The following ACOX2 variants were observed in gnomAD, a reference collection of about 807,000 sequenced individuals.
ACOX2 encodes peroxisomal acyl-coenzyme A oxidase 2.
ACOX2 carries 59 observed loss-of-function variants against 77.5 expected under a neutral mutation model. The ratio of observed to expected loss-of-function variants is 0.76; its 90% CI spans 0.62 to 0.95. The LOEUF is 0.95. Ranked by LOEUF, ACOX2 falls within the 40% of genes least tolerant of loss-of-function variation. The probability of loss-of-function intolerance (pLI) is 0.00; values close to 1 mark genes in which losing one functional copy is unlikely to be tolerated. For synonymous variants in ACOX2, 317 were observed against 340.1 expected, an observed-to-expected ratio of 0.93 and a Z score of 0.75; for missense variants, 837 against 880.4, an observed-to-expected ratio of 0.95 and a Z score of 0.62.
At chr3:58,509,402 C>T (rs1380668109) in intron 13 of ACOX2, among the ~76,000 whole-genome samples, 1 of 151,544 alleles carries the variant, frequency 6.6e-6, no homozygotes, top group Admixed American at 6.6e-5. Flanking sequence ...TGGCACATGC[C>T]TGTAGTCCCA....
Position 58,533,427 on chromosome 3 carries a change from G to T in ACOX2, c.583+18C>A, listed in dbSNP as rs2063455429. The T allele has an allele frequency of 3.1e-6, 5 of 1,605,306 alleles. No individual in the cohort carries two copies. Among genetic ancestry groups the T allele is most frequent in the South Asian group, 1.1e-5 (1 of 90,838 alleles). On this transcript the variant is annotated intron_variant, in intron 5 of 14. Transcript: ENST00000302819. This position sits in a 1 kb window ranked among gnomAD's most constrained non-coding sequence, Gnocchi z 5.6. ...CTACTTGGGGAGAGTTAAGGAAGGGGGGTGGATGTATACTCACAGTCTCCA... is the reference window on the plus strand; with the variant it reads ...CTACTTGGGGAGAGTTAAGGAAGGGTGGTGGATGTATACTCACAGTCTCCA...
chr3:58,524,968 A>T lies in ACOX2; in HGVS notation c.1347-363T>A, dbSNP rs2063384451. On this transcript the variant is annotated intron_variant, in intron 10 of 14. Coordinates refer to ENST00000302819, the MANE Select transcript of ACOX2 (RefSeq NM_003500.4). This position sits in a 1 kb window ranked among gnomAD's most constrained non-coding sequence, Gnocchi z 5.5. Reference sequence around the variant, plus strand: ...TTAAATTTTCTTAGCTGAAAAAAGAAGGATAGAGGCAAGAATGCTAACAGG... The same window carrying T: ...TTAAATTTTCTTAGCTGAAAAAAGATGGATAGAGGCAAGAATGCTAACAGG... Among the ~76,000 whole-genome samples the T allele has an allele frequency of 6.6e-6, 1 of 152,236 alleles. No individual in the cohort carries two copies. The highest frequency in any genetic ancestry group is 1.5e-5 in the Non-Finnish European group (1 of 68,036).
Position 58,508,891 on chromosome 3 carries a change from A to G in ACOX2, c.1983+2T>C. ...AATTTATAATGTGTTCCACTCAACTACCTGAGTATTGGTTGGTGACTTCTG... is the reference window on the plus strand; with the variant it reads ...AATTTATAATGTGTTCCACTCAACTGCCTGAGTATTGGTTGGTGACTTCTG... On this transcript the variant is annotated splice_donor_variant, in intron 14 of 14. Transcript: ENST00000302819. LOFTEE classifies it high-confidence loss of function. The G allele has an allele frequency of 6.2e-7, 1 of 1,614,088 alleles. No homozygotes were observed. Among genetic ancestry groups the G allele is most frequent in the South Asian group, 1.1e-5 (1 of 91,074 alleles).
rs952834753 is a variant in ACOX2 at position 58,517,913 on chromosome 3, A to G, written c.1633-490T>C. Among the ~76,000 whole-genome samples, 4 of 151,968 alleles carry G rather than the reference A, an allele frequency of 2.6e-5. 1 individual carries two copies. The highest frequency in any genetic ancestry group is 4.1e-4 in the South Asian group (2 of 4,824). On this transcript the variant is annotated intron_variant, in intron 12 of 14. Coordinates refer to ENST00000302819, the MANE Select transcript of ACOX2 (RefSeq NM_003500.4). ...AACATGGTGAAACCCTGTCTCTACT[A>G]AAAATGCAAAAATTAGCCAGGCATG...
intron 13 of ACOX2, 109 bp downstream of exon 13, chr3:58,517,097 C>T: frequency 9.0e-7 from 1 of 1,110,614 alleles, no homozygotes; most frequent in Non-Finnish European, 1.3e-6. Flanking sequence ...CTCTCCAGGG[C>T]TGTTGCTGCT....
chr3:58,515,305 GCC>G lies in ACOX2; in HGVS notation c.1850+1899_1850+1900del, dbSNP rs977576436. Among the ~76,000 whole-genome samples, 6 of 152,118 alleles carry G rather than the reference GCC, an allele frequency of 3.9e-5. No individual in the cohort carries two copies. The highest frequency in any genetic ancestry group is 8.8e-5 in the Non-Finnish European group (6 of 68,024). ...CAAAGTGCTGGGATTGCAGGTATTA[GCC>G]ACCGCGCCTGGCCTGAACAAACATT... On this transcript the variant is annotated intron_variant, in intron 13 of 14. Coordinates refer to ENST00000302819, the MANE Select transcript of ACOX2 (RefSeq NM_003500.4). This position sits in a 1 kb window ranked among gnomAD's most constrained non-coding sequence, Gnocchi z 4.0.
rs762454145 is a variant in ACOX2 at position 58,534,097 on chromosome 3, TCTCA to T, written c.368_371del (p.Val123GlufsTer56). 2 of 1,614,062 alleles carry T rather than the reference TCTCA, an allele frequency of 1.2e-6. No individual in the cohort carries two copies. Among genetic ancestry groups the T allele is most frequent in the African/African-American group, 2.7e-5 (2 of 74,934 alleles). The stretch of plus-strand genomic sequence containing the variant: ...CCTCTGAGCCCAGGCTCCTGAGGGC[TCTCA>T]CGAAGACTCTGTGTATATTTAAGGC... On this transcript the variant is annotated frameshift_variant, in exon 4 of 15. Coordinates refer to ENST00000302819, the MANE Select transcript of ACOX2 (RefSeq NM_003500.4). LOFTEE classifies it high-confidence loss of function. The surrounding 1 kb of genome is among the most constrained non-coding windows in gnomAD (Gnocchi z 4.8).
rs139488315 is a variant in ACOX2, at chr3:58,505,781, G to A, written c.1984-495C>T. The stretch of plus-strand genomic sequence containing the variant: ...TCTACACTAAAACTGTAAGCTCCTC[G>A]AACACTGGGCTTTTGACTGTTTTTT... On this transcript the variant is annotated intron_variant, in intron 14 of 14. Transcript: ENST00000302819. The surrounding 1 kb of genome is among the most constrained non-coding windows in gnomAD (Gnocchi z 4.4). 6.0e-5 allele frequency among the ~76,000 whole-genome samples: 9 copies of A among 148,838 alleles called. No homozygotes were observed. The highest frequency in any genetic ancestry group is 8.9e-5 in the Non-Finnish European group (6 of 67,282).
rs550356105 is a variant in ACOX2, at chr3:58,524,088, G to T, written c.1526+338C>A. Among the ~76,000 whole-genome samples the T allele has an allele frequency of 6.6e-6, 1 of 152,202 alleles. No individual in the cohort carries two copies. The highest frequency in any genetic ancestry group is 1.9e-4 in the East Asian group (1 of 5,200). The stretch of plus-strand genomic sequence containing the variant: ...AGTATTGCTTTATTTATTGGTATTT[G>T]CATATCAATACATTTGGAGTATTTA... On this transcript the variant is annotated intron_variant, in intron 11 of 14. Coordinates refer to ENST00000302819, the MANE Select transcript of ACOX2 (RefSeq NM_003500.4). This position sits in a 1 kb window ranked among gnomAD's most constrained non-coding sequence, Gnocchi z 5.5.
At chr3:58,518,186 G>A (rs181942536) in intron 12 of ACOX2, among the ~76,000 whole-genome samples, 3 of 152,212 alleles carry the variant, frequency 2.0e-5, no homozygotes, top group African/African-American at 7.2e-5. Context: ...GCACCATGGG[G>A]TGAGAAAGTT....
In ACOX2 at chr3:58,534,685, A is replaced by C; in HGVS notation, c.161-163T>G. The C allele has an allele frequency of 6.7e-7, 1 of 1,501,046 alleles. No homozygotes were observed. The highest frequency in any genetic ancestry group is 9.0e-7 in the Non-Finnish European group (1 of 1,110,944). The allele number at this position is 1,501,046 out of a possible 1,614,324, so 93.0% of individuals were successfully genotyped here. ...ACCAAGGTGGGAAAGTGAATTGCCC[A>C]AGGTTACAAAGCTATGCAGTGGCAG... is the stretch of plus-strand genomic sequence containing the variant. On this transcript the variant is annotated intron_variant, in intron 2 of 14. Transcript: ENST00000302819. The surrounding 1 kb of genome is among the most constrained non-coding windows in gnomAD (Gnocchi z 4.8).
intron 13 of ACOX2, among the ~76,000 whole-genome samples, chr3:58,516,534 G>A (rs929155483): frequency 5.3e-4 from 81 of 152,334 alleles, no homozygotes; most frequent in African/African-American, 1.8e-3. Flanking sequence ...TGTCACATAA[G>A]TGCTCTTTAA....
chr3:58,509,382 C>T (rs974347570), intron 13 of ACOX2, among the ~76,000 whole-genome samples: 3 of 151,452 alleles, frequency 2.0e-5, no homozygotes, highest in Non-Finnish European at 2.9e-5. Flanking sequence ...AAAAAATTAG[C>T]CAGGTATGGT....
chr3:58,506,944 T>TA (rs2063239020), intron 14 of ACOX2, among the ~76,000 whole-genome samples: 2 of 152,158 alleles, frequency 1.3e-5, no homozygotes, highest in African/African-American at 4.8e-5. Flanking sequence ...CATTAAAAAA[T>TA]ACACTTTAAA....
At position 58,534,681 on chromosome 3, in the gene ACOX2, G is replaced by A; in HGVS notation, c.161-159C>T. 6.6e-7 allele frequency: 1 copy of A among 1,505,634 alleles called. No individual in the cohort carries two copies. Among genetic ancestry groups the A allele is most frequent in the South Asian group, 1.2e-5 (1 of 83,910 alleles). 93.3% of individuals were successfully genotyped at this position (1,505,634 alleles called of 1,614,324 possible). ...GAGGACCAAGGTGGGAAAGTGAATT[G>A]CCCAAGGTTACAAAGCTATGCAGTG... On this transcript the variant is annotated intron_variant, in intron 2 of 14. Coordinates refer to ENST00000302819, the MANE Select transcript of ACOX2 (RefSeq NM_003500.4). This position sits in a 1 kb window ranked among gnomAD's most constrained non-coding sequence, Gnocchi z 4.8.
In ACOX2 at chr3:58,535,417, C is replaced by A. The variant is rs892934762; in HGVS notation, c.-91-220G>T. Among the ~76,000 whole-genome samples the A allele has an allele frequency of 2.0e-5, 3 of 152,140 alleles. No individual in the cohort carries two copies. Among genetic ancestry groups the A allele is most frequent in the Non-Finnish European group, 4.4e-5 (3 of 68,038 alleles). ...GCCAAAATTGGACAGGGCCTGACCC[C>A]AAAGATTGGGCTCTATCCACTGCAG... On this transcript the variant is annotated intron_variant, in intron 1 of 14. Transcript: ENST00000302819. The surrounding 1 kb of genome is among the most constrained non-coding windows in gnomAD (Gnocchi z 4.8).
rs1199694763 is a variant in ACOX2, at chr3:58,526,901, T to G, written c.1156-245A>C. Among the ~76,000 whole-genome samples the G allele has an allele frequency of 1.3e-5, 2 of 152,158 alleles. No individual in the cohort carries two copies. Among genetic ancestry groups the G allele is most frequent in the African/African-American group, 2.4e-5 (1 of 41,432 alleles). ...GTGAAGGAAAACCTGGCCTGGCCAG[T>G]GTCTCCAGGATTGGGAAGAGGGTGC... On this transcript the variant is annotated intron_variant, in intron 9 of 14. Transcript: ENST00000302819. This position sits in a 1 kb window ranked among gnomAD's most constrained non-coding sequence, Gnocchi z 4.3.
At position 58,505,804 on chromosome 3, in the gene ACOX2, T is replaced by TA. The variant is rs1283270693; in HGVS notation, c.1984-519_1984-518insT. Among the ~76,000 whole-genome samples, 2 of 151,940 alleles carry TA rather than the reference T, an allele frequency of 1.3e-5. No individual in the cohort carries two copies. The highest frequency in any genetic ancestry group is 1.5e-5 in the Non-Finnish European group (1 of 67,986). On this transcript the variant is annotated intron_variant, in intron 14 of 14. Coordinates refer to ENST00000302819, the MANE Select transcript of ACOX2 (RefSeq NM_003500.4). The surrounding 1 kb of genome is among the most constrained non-coding windows in gnomAD (Gnocchi z 4.4). ...TCGAACACTGGGCTTTTGACTGTTTTTTTTTGGAGACAGTATTGCTCTGTT... is the reference window on the plus strand; with the variant it reads ...TCGAACACTGGGCTTTTGACTGTTTTATTTTTGGAGACAGTATTGCTCTGTT...
Position 58,528,277 on chromosome 3 carries a change from C to T in ACOX2, c.1155+517G>A, listed in dbSNP as rs1001256262. Reference sequence around the variant, plus strand: ...ATATATGTAAGTCCACAATGCTTTACCTGAGACCTGTGAGCCAGATGTGTT... The same window carrying T: ...ATATATGTAAGTCCACAATGCTTTATCTGAGACCTGTGAGCCAGATGTGTT... On this transcript the variant is annotated intron_variant, in intron 9 of 14. Coordinates refer to ENST00000302819, the MANE Select transcript of ACOX2 (RefSeq NM_003500.4). The surrounding 1 kb of genome is among the most constrained non-coding windows in gnomAD (Gnocchi z 5.6). Among the ~76,000 whole-genome samples, 3 of 152,170 alleles carry T rather than the reference C, an allele frequency of 2.0e-5. No individual in the cohort carries two copies. Among genetic ancestry groups the T allele is most frequent in the African/African-American group, 7.2e-5 (3 of 41,438 alleles).
Sources: gnomAD v4.1 joint callset for allele counts (sites outside exome capture counted in the v4.1 genomes callset) on GRCh38, gnomAD v4.1.1 for gene constraint, Gnocchi (gnomAD v3.1) non-coding constraint, MANE v1.5 for transcripts, NCBI Gene and HGNC (gene_info 2026-07-23, HGNC 2026-07-21) for gene names.